The following MGAT5 variants were observed in gnomAD, a reference collection of about 807,000 sequenced individuals.
MGAT5 encodes alpha-1,6-mannosylglycoprotein 6-beta-N-acetylglucosaminyltransferase.
In MGAT5, 30 loss-of-function variants were observed where a neutral mutation model predicts 94.3. That is an observed-to-expected ratio of 0.32 (90% confidence interval 0.24 to 0.43). MGAT5 has a LOEUF of 0.43. MGAT5 is among the 20% of genes least tolerant of loss of function. MGAT5 has a pLI of 1.00. For synonymous variants in MGAT5, 310 were observed against 322.9 expected (o/e 0.96, Z 0.43); for missense variants, 691 against 905.5 (o/e 0.76, Z 3.04).
chr2:134,383,161 G>A (rs183330738), intron 10 of MGAT5, among the ~76,000 whole-genome samples: 121 of 152,318 alleles, frequency 7.9e-4, no homozygotes, highest in African/African-American at 2.8e-3. Flanking sequence ...TTCAGAGACA[G>A]CGTTATAGTT....
chr2:134,326,415 A>G (rs1224293243), intron 4 of MGAT5, among the ~76,000 whole-genome samples: 8 of 152,090 alleles, frequency 5.3e-5, no homozygotes, highest in South Asian at 2.1e-4. Flanking sequence ...TGACATGACC[A>G]TGGTAGTTTG....
chr2:134,373,254 C>T (rs1423369758), intron 10 of MGAT5, among the ~76,000 whole-genome samples: 1 of 152,180 alleles, frequency 6.6e-6, no homozygotes, highest in Admixed American at 6.5e-5. Context: ...GAGGAGGCAG[C>T]GTCTCACATA....
chr2:134,313,073 CACACACACACACACACACAT>C (rs1359212603), intron 2 of MGAT5, among the ~76,000 whole-genome samples: 9 of 144,216 alleles, frequency 6.2e-5, no homozygotes, highest in African/African-American at 8.3e-5. Context: ...CACACACACA[CACACACACACACACACACAT>C]ATCTGTCTGG....
rs148194682 is a variant in MGAT5 at position 134,227,766 on chromosome 2, G to A, written c.-142-26496G>A. 2.8e-3 allele frequency among the ~76,000 whole-genome samples: 419 copies of A among 152,234 alleles called. 2 individuals are homozygous for A. Among genetic ancestry groups the A allele is most frequent in the Non-Finnish European group, 4.0e-3 (269 of 68,018 alleles). On this transcript the variant is annotated intron_variant, in intron 1 of 16. Coordinates refer to the MGAT5 transcript ENST00000409645. ...TATGGACTCAAAAGAGTTCTGGTTC[G>A]TGGCAGGTAGGGACCATTGTATTCT...
chr2:134,427,445 A>T (rs1439551760), intron 13 of MGAT5, among the ~76,000 whole-genome samples: 1 of 152,162 alleles, frequency 6.6e-6, no homozygotes, highest in East Asian at 1.9e-4. Flanking sequence ...CACAATATTG[A>T]TAAGATTGCC....
At position 134,448,948 on chromosome 2, in the gene MGAT5, G is replaced by A; in HGVS notation, c.*101G>A. 7.9e-7 allele frequency: 1 copy of A among 1,264,028 alleles called. No individual in the cohort carries two copies. The highest frequency in any genetic ancestry group is 1.1e-6 in the Non-Finnish European group (1 of 907,976). 78.3% of individuals were successfully genotyped at this position (1,264,028 alleles called of 1,614,324 possible). A position where few individuals can be genotyped will look rare whatever the true frequency, so the allele number is the denominator to read the frequency against. ...AGAAGTCATGCAGGGACTCTGGCAA[G>A]AGCCTGAACTTTTTCGTAGAAGGTT... On this transcript the variant is annotated 3_prime_UTR_variant, in exon 16 of 16. Coordinates refer to ENST00000281923, the MANE Select transcript of MGAT5 (RefSeq NM_002410.5).
intron 14 of MGAT5, among the ~76,000 whole-genome samples, chr2:134,437,639 A>T (rs1371132706): frequency 1.3e-5 from 2 of 152,308 alleles, no homozygotes; most frequent in South Asian, 4.1e-4. Flanking sequence ...GTTCAGTCAC[A>T]TGATTTGGTG....
chr2:134,150,022 C>A (rs1687100416), intron 1 of MGAT5, among the ~76,000 whole-genome samples: 1 of 152,130 alleles, frequency 6.6e-6, no homozygotes. Flanking sequence ...TTGGCTGAAC[C>A]AATGTGAAGC....
chr2:134,436,925 C>G (rs1250234716), intron 14 of MGAT5, among the ~76,000 whole-genome samples: 1 of 152,248 alleles, frequency 6.6e-6, no homozygotes, highest in Non-Finnish European at 1.5e-5. Flanking sequence ...GAAGCACATT[C>G]CATCGCCATA....
Position 134,247,752 on chromosome 2 carries a change from A to T in MGAT5, c.-142-6510A>T, listed in dbSNP as rs1466422025. ...GTTTCTAGAACTTTCTCCATGTTAT[A>T]CATGTGGAAACTGAGATGGACACAC... On this transcript the variant is annotated intron_variant, in intron 1 of 16. Transcript: ENST00000409645. 3.3e-5 allele frequency among the ~76,000 whole-genome samples: 5 copies of T among 152,164 alleles called. No individual in the cohort carries two copies. In the South Asian group the frequency reaches 1.0e-3, roughly 32 times the overall value.
chr2:134,354,849 A>G (rs2106075466), intron 9 of MGAT5, among the ~76,000 whole-genome samples: 1 of 151,962 alleles, frequency 6.6e-6, no homozygotes, highest in East Asian at 1.9e-4. Flanking sequence ...ATTCCTGCTC[A>G]CTCCTTCTGT....
intron 10 of MGAT5, among the ~76,000 whole-genome samples, chr2:134,365,550 A>G (rs1369663600): frequency 1.3e-5 from 2 of 152,182 alleles, no homozygotes; most frequent in Admixed American, 1.3e-4. Flanking sequence ...AGCAGGACCA[A>G]TGTTGACAGG....
chr2:134,402,768 T>TA (rs775598399), intron 10 of MGAT5, among the ~76,000 whole-genome samples: 1 of 152,244 alleles, frequency 6.6e-6, no homozygotes, highest in Non-Finnish European at 1.5e-5. Flanking sequence ...TATTTCTTCT[T>TA]AAAAAATTAT....
chr2:134,355,136 T>TC (rs1199405488), intron 9 of MGAT5, among the ~76,000 whole-genome samples: 2 of 152,192 alleles, frequency 1.3e-5, no homozygotes, highest in Non-Finnish European at 2.9e-5. Flanking sequence ...TCTTTAAAAC[T>TC]CTATGTAAGT....
At chr2:134,208,660 A>G (rs1680138638) in intron 1 of MGAT5, among the ~76,000 whole-genome samples, 1 of 152,220 alleles carries the variant, frequency 6.6e-6, no homozygotes. Context: ...TCTTTATCCC[A>G]TTTGTGGATA....
intron 1 of MGAT5, among the ~76,000 whole-genome samples, chr2:134,207,507 T>A (rs1448070248): frequency 6.6e-6 from 1 of 151,898 alleles, no homozygotes; most frequent in Non-Finnish European, 1.5e-5. Flanking sequence ...CAGACTTTCA[T>A]GTTTGAGCAT....
intron 2 of MGAT5, among the ~76,000 whole-genome samples, chr2:134,315,107 G>A (rs530776177): frequency 9.9e-5 from 15 of 152,276 alleles, no homozygotes; most frequent in African/African-American, 2.2e-4. Context: ...GCCCTGGGGC[G>A]TTGCTTGCAG....
At chr2:134,137,951 T>C (rs1303361188) in intron 1 of MGAT5, among the ~76,000 whole-genome samples, 1 of 151,984 alleles carries the variant, frequency 6.6e-6, no homozygotes, top group Non-Finnish European at 1.5e-5. Context: ...TGATTGATAT[T>C]ACAGATTTGT....
intron 2 of MGAT5, among the ~76,000 whole-genome samples, chr2:134,302,761 TGTGTGTGTG>T (rs1686102672): frequency 2.2e-5 from 3 of 138,288 alleles, no homozygotes; most frequent in Admixed American, 7.0e-5. Context: ...TGTGTGTGTG[TGTGTGTGTG>T]TTTTCCAGCC....
Sources: gnomAD v4.1 joint callset for allele counts (sites outside exome capture counted in the v4.1 genomes callset) on GRCh38, gnomAD v4.1.1 for gene constraint, MANE v1.5 for transcripts, NCBI Gene and HGNC (gene_info 2026-07-23, HGNC 2026-07-21) for gene names.